AGBL4: variants seen among roughly 807,000 people sequenced by gnomAD.
AGBL4 encodes the protein cytosolic carboxypeptidase 6.
A neutral mutation model predicts 66.4 loss-of-function variants in AGBL4; 58 were observed. That is an observed-to-expected ratio of 0.87 (90% confidence interval 0.71 to 1.09). The LOEUF (loss-of-function observed/expected upper bound fraction) is 1.09, where lower values mean the gene tolerates loss of function less well. AGBL4 is among the 50% of genes least tolerant of loss of function. AGBL4 has a pLI of 0.00. For synonymous variants in AGBL4, 234 were observed against 222.9 expected, an observed-to-expected ratio of 1.05 and a Z score of -0.44; for missense variants, 579 against 631.0, an observed-to-expected ratio of 0.92 and a Z score of 0.88.
At chr1:49,468,223 T>C (rs780472636) in intron 3 of AGBL4, among the ~76,000 whole-genome samples, 4 of 151,772 alleles carry the variant, frequency 2.6e-5, no homozygotes, top group Non-Finnish European at 4.4e-5. Context: ...CCATGAAATA[T>C]AGTGAAAAGT....
At chr1:48,623,573 G>A (rs1209997400) in intron 9 of AGBL4, among the ~76,000 whole-genome samples, 3 of 152,256 alleles carry the variant, frequency 2.0e-5, no homozygotes, top group African/African-American at 7.2e-5. Context: ...CATGGCTAAG[G>A]CCGATTTCTG....
At chr1:49,111,610 C>T (rs576128095) in intron 4 of AGBL4, among the ~76,000 whole-genome samples, 2 of 152,316 alleles carry the variant, frequency 1.3e-5, no homozygotes, top group African/African-American at 4.8e-5. Flanking sequence ...CATCTTCTAA[C>T]ACTAAACATG....
At chr1:49,433,972 AAGTC>A (rs1456695262) in intron 3 of AGBL4, among the ~76,000 whole-genome samples, 1 of 152,188 alleles carries the variant, frequency 6.6e-6, no homozygotes, top group African/African-American at 2.4e-5. Context: ...TGGTCAATAA[AAGTC>A]AGTAAGAGGA....
intron 8 of AGBL4, among the ~76,000 whole-genome samples, chr1:48,637,777 A>T (rs974802273): frequency 1.3e-5 from 2 of 152,304 alleles, no homozygotes; most frequent in East Asian, 3.9e-4. Flanking sequence ...AAGTGGCTAG[A>T]GTCAGTCCTT....
At chr1:49,209,021 T>C (rs146697441) in intron 4 of AGBL4, among the ~76,000 whole-genome samples, 17 of 152,162 alleles carry the variant, frequency 1.1e-4, no homozygotes, top group African/African-American at 3.1e-4. Context: ...GCAGTCTTAG[T>C]AGGAGAAATG....
At chr1:49,169,675 G>A (rs2148159668) in intron 4 of AGBL4, among the ~76,000 whole-genome samples, 1 of 152,256 alleles carries the variant, frequency 6.6e-6, no homozygotes, top group Non-Finnish European at 1.5e-5. Context: ...AAATCCATGT[G>A]TATTGAGTGA....
chr1:49,659,575 G>A (rs1646227242), intron 3 of AGBL4, among the ~76,000 whole-genome samples: 1 of 152,104 alleles, frequency 6.6e-6, no homozygotes, highest in African/African-American at 2.4e-5. Context: ...ATGGTAAAGG[G>A]TTCAATTCAA....
rs150026678 is a variant in AGBL4, at chr1:49,935,445, C to T, written c.35-83927G>A. Among the ~76,000 whole-genome samples the T allele has an allele frequency of 3.9e-3, 596 of 152,352 alleles. 8 individuals carry two copies. Among genetic ancestry groups the T allele is most frequent in the South Asian group, 0.028 (135 of 4,834 alleles). Reference sequence around the variant, plus strand: ...AAAAGACAGCAGTAACCTCTGCAGACTTAAATGTCCCTGTCTGACAGCTTT... The same window carrying T: ...AAAAGACAGCAGTAACCTCTGCAGATTTAAATGTCCCTGTCTGACAGCTTT... On this transcript the variant is annotated intron_variant, in intron 1 of 13. Transcript: ENST00000371839.
intron 1 of AGBL4, among the ~76,000 whole-genome samples, chr1:49,910,927 G>A (rs966904704): frequency 7.9e-5 from 12 of 152,174 alleles, no homozygotes; most frequent in African/African-American, 1.9e-4. Context: ...AGTGAGCTGC[G>A]ATCATGCCAC....
At chr1:48,799,840 T>C (rs1645769546) in intron 6 of AGBL4, among the ~76,000 whole-genome samples, 1 of 152,196 alleles carries the variant, frequency 6.6e-6, no homozygotes, top group Non-Finnish European at 1.5e-5. Flanking sequence ...ACATCCCTGG[T>C]ATGAAACCTA....
At chr1:49,384,024 T>C (rs1289263677) in intron 3 of AGBL4, among the ~76,000 whole-genome samples, 5 of 151,988 alleles carry the variant, frequency 3.3e-5, no homozygotes, top group Admixed American at 3.3e-4. Context: ...CTTGATTTCC[T>C]GACCTTGTGA....
At chr1:49,399,967 C>A (rs1364031547) in intron 3 of AGBL4, among the ~76,000 whole-genome samples, 1 of 152,000 alleles carries the variant, frequency 6.6e-6, no homozygotes, top group African/African-American at 2.4e-5. Context: ...GTAGTAGTTT[C>A]ATGATTTGAG....
intron 4 of AGBL4, among the ~76,000 whole-genome samples, chr1:49,069,568 T>G (rs1644558612): frequency 6.6e-6 from 1 of 151,888 alleles, no homozygotes; most frequent in African/African-American, 2.4e-5. Flanking sequence ...TCTGAGGGCC[T>G]CTGTTCTGTT....
At chr1:50,009,634 T>C (rs1661380425) in intron 1 of AGBL4, among the ~76,000 whole-genome samples, 1 of 151,748 alleles carries the variant, frequency 6.6e-6, no homozygotes, top group South Asian at 2.1e-4. Context: ...ACCACTGTTA[T>C]TCAACATAGT....
chr1:48,854,351 G>A (rs765016978), intron 6 of AGBL4, among the ~76,000 whole-genome samples: 1 of 152,134 alleles, frequency 6.6e-6, no homozygotes, highest in Non-Finnish European at 1.5e-5. Flanking sequence ...AAGATCCTTG[G>A]TCACTGGTAT....
chr1:49,688,069 A>C (rs543773836), intron 3 of AGBL4, among the ~76,000 whole-genome samples: 1 of 152,328 alleles, frequency 6.6e-6, no homozygotes, highest in East Asian at 1.9e-4. Context: ...TCTTATAAGC[A>C]ATCCAATTAT....
chr1:49,522,068 G>A (rs1308502423), intron 3 of AGBL4, among the ~76,000 whole-genome samples: 3 of 152,012 alleles, frequency 2.0e-5, no homozygotes, highest in African/African-American at 7.2e-5. Context: ...TAAAATAAAA[G>A]TTGAAATTAT....
At chr1:48,713,902 A>ATAGAT (rs1457118067) in intron 6 of AGBL4, among the ~76,000 whole-genome samples, 1 of 152,198 alleles carries the variant, frequency 6.6e-6, no homozygotes, top group Non-Finnish European at 1.5e-5. Flanking sequence ...AGACTGTGCA[A>ATAGAT]TAGATATCTT....
At chr1:48,742,963 T>C (rs907904929) in intron 6 of AGBL4, among the ~76,000 whole-genome samples, 10 of 152,176 alleles carry the variant, frequency 6.6e-5, no homozygotes, top group African/African-American at 2.4e-4. Context: ...GGTGGAAAAC[T>C]GGAAGACAAG....
Sources: gnomAD v4.1 joint callset for allele counts (sites outside exome capture counted in the v4.1 genomes callset) on GRCh38, gnomAD v4.1.1 for gene constraint, MANE v1.5 for transcripts, NCBI Gene and HGNC (gene_info 2026-07-23, HGNC 2026-07-21) for gene names.